CSMD1: variants seen among roughly 807,000 people sequenced by gnomAD.
CSMD1 encodes CUB and sushi domain-containing protein 1.
In CSMD1, 213 loss-of-function variants were observed where a neutral mutation model predicts 417.5. That is an observed-to-expected ratio of 0.51 (90% CI 0.46 to 0.57). The LOEUF (loss-of-function observed/expected upper bound fraction) is 0.57. Ranked by LOEUF, CSMD1 falls within the 20% of genes least tolerant of loss-of-function variation. The pLI is 0.00. For synonymous variants in CSMD1, 2,862 were observed against 1,736.8 expected (o/e 1.65, Z -16.11); for missense variants, 6,923 against 4,529.7 (o/e 1.53, Z -15.17).
At chr8:4,208,234 T>G (rs944631318) in intron 3 of CSMD1, among the ~76,000 whole-genome samples, 2 of 152,148 alleles carry the variant, frequency 1.3e-5, no homozygotes, top group Non-Finnish European at 2.9e-5. Context: ...GAAAGGTAAC[T>G]GCTCCTGTTA....
At position 3,319,566 on chromosome 8, in the gene CSMD1, T is replaced by G. The variant is rs557949664; in HGVS notation, c.3632-11063A>C. ...TTATATTGAAATATAATTCTATGCT[T>G]TCAAACACTTCCGCACACATTCAAC... is the stretch of plus-strand genomic sequence containing the variant. On this transcript the variant is annotated intron_variant, in intron 23 of 69. Coordinates refer to ENST00000635120, the MANE Select transcript of CSMD1 (RefSeq NM_033225.6). Among the ~76,000 whole-genome samples, 5 of 152,320 alleles carry G rather than the reference T, an allele frequency of 3.3e-5. No homozygotes were observed. In the South Asian group the frequency reaches 1.0e-3, roughly 32 times the overall value.
At chr8:3,360,503 C>T (rs1284819981) in intron 20 of CSMD1, among the ~76,000 whole-genome samples, 2 of 152,200 alleles carry the variant, frequency 1.3e-5, no homozygotes, top group African/African-American at 4.8e-5. Flanking sequence ...GCTGTTTCCC[C>T]AGTCTGTAAT....
At chr8:4,496,388 G>C (rs1261219380) in intron 2 of CSMD1, among the ~76,000 whole-genome samples, 3 of 152,132 alleles carry the variant, frequency 2.0e-5, no homozygotes, top group Admixed American at 6.6e-5. Context: ...CAGGGGGCTG[G>C]AGAGAGCTGA....
At chr8:4,991,289 T>A (rs1187947457) in intron 1 of CSMD1, among the ~76,000 whole-genome samples, 1 of 152,178 alleles carries the variant, frequency 6.6e-6, no homozygotes, top group Middle Eastern at 3.2e-3. Context: ...AAAGGCACAC[T>A]TGGGATTCAA....
chr8:4,938,371 C>T (rs1032623107), intron 1 of CSMD1, among the ~76,000 whole-genome samples: 1 of 152,236 alleles, frequency 6.6e-6, no homozygotes. Context: ...CCCAATACAG[C>T]TGTCCTATAG....
intron 3 of CSMD1, among the ~76,000 whole-genome samples, chr8:4,272,208 C>T (rs1036496337): frequency 6.6e-6 from 1 of 152,092 alleles, no homozygotes; most frequent in Non-Finnish European, 1.5e-5. Flanking sequence ...AGGTATAGTA[C>T]TTTATGGCTT....
At chr8:4,590,484 A>C (rs1230016421) in intron 2 of CSMD1, among the ~76,000 whole-genome samples, 3 of 152,196 alleles carry the variant, frequency 2.0e-5, no homozygotes, top group African/African-American at 7.2e-5. Context: ...AATGTAAATA[A>C]AATTTATAGC....
intron 3 of CSMD1, among the ~76,000 whole-genome samples, chr8:4,400,330 T>C (rs1355946611): frequency 6.6e-6 from 1 of 152,196 alleles, no homozygotes; most frequent in Non-Finnish European, 1.5e-5. Flanking sequence ...TAGGAAACTG[T>C]TTTGTGTGTG....
In CSMD1 at chr8:4,458,584, T is replaced by C. The variant is rs78335672; in HGVS notation, c.303-38519A>G. 2.8e-3 allele frequency among the ~76,000 whole-genome samples: 431 copies of C among 151,992 alleles called. 3 individuals are homozygous for C. The highest frequency in any genetic ancestry group is 0.01 in the African/African-American group (416 of 41,450). ...CTTTGAAAGACATTGTAACAGTAAA[T>C]ACAAGGAAAAAAAAGAAAAATCATC... On this transcript the variant is annotated intron_variant, in intron 2 of 69. Coordinates refer to ENST00000635120, the MANE Select transcript of CSMD1 (RefSeq NM_033225.6).
chr8:3,468,748 T>G lies in CSMD1; in HGVS notation c.1525A>C (p.Ser509Arg). 6 of 1,607,162 alleles carry G rather than the reference T, an allele frequency of 3.7e-6. No individual in the cohort carries two copies. Among genetic ancestry groups the G allele is most frequent in the South Asian group, 2.2e-5 (2 of 89,278 alleles). Reference protein sequence around the residue: ...QMWLHLQSDDSIGSPGFKAVY... With the variant: ...QMWLHLQSDDRIGSPGFKAVY... ...GCTTTAAACCCAGGTGAGCCAATGC[T>G]ATCATCCGACTGCAGATGTAGCCAC... The change falls in exon 12 of 70, where the codon AGC (serine) becomes CGC (arginine). Residue 509 changes from serine (S) to arginine (R), a missense_variant. Physicochemically the swap from Ser to Arg is moderately radical, Grantham distance 110. Coordinates refer to ENST00000635120, the MANE Select transcript of CSMD1 (RefSeq NM_033225.6).
At chr8:4,020,811 T>C (rs960416273) in intron 4 of CSMD1, among the ~76,000 whole-genome samples, 12 of 152,248 alleles carry the variant, frequency 7.9e-5, no homozygotes, top group South Asian at 4.1e-4. Context: ...GAAAACTTTT[T>C]AGATTAATCA....
chr8:4,202,791 G>C (rs1055903806), intron 3 of CSMD1, among the ~76,000 whole-genome samples: 3 of 152,156 alleles, frequency 2.0e-5, no homozygotes, highest in Admixed American at 1.3e-4. Context: ...TAAAACTGAG[G>C]ATTCAAACGT....
intron 3 of CSMD1, among the ~76,000 whole-genome samples, chr8:4,147,865 G>C (rs1448501261): frequency 2.0e-5 from 3 of 152,056 alleles, no homozygotes; most frequent in Admixed American, 6.6e-5. Context: ...TGGTAGCTGA[G>C]CTTCATGGAA....
At position 3,520,067 on chromosome 8, in the gene CSMD1, C is replaced by T. The variant is rs142828278; in HGVS notation, c.1345-26341G>A. On this transcript the variant is annotated intron_variant, in intron 10 of 69. Coordinates refer to ENST00000635120, the MANE Select transcript of CSMD1 (RefSeq NM_033225.6). ...ACGTATAGTTGTGAAACTTGCTCCA[C>T]AGTAATAATAGTAAAATTCTATCAT... is the stretch of plus-strand genomic sequence containing the variant. 1.1e-3 allele frequency among the ~76,000 whole-genome samples: 157 copies of T among 142,484 alleles called. 2 individuals carry two copies. Among genetic ancestry groups the T allele is most frequent in the Admixed American group, 8.5e-3 (120 of 14,194 alleles). The allele number at this position is 142,484 out of a possible 152,430, so 93.5% of individuals were successfully genotyped here.
At chr8:3,458,933 G>A (rs569042647) in intron 12 of CSMD1, among the ~76,000 whole-genome samples, 2 of 152,334 alleles carry the variant, frequency 1.3e-5, no homozygotes, top group East Asian at 1.9e-4. Context: ...AACATTGGAA[G>A]GAATTTCCAT....
intron 2 of CSMD1, among the ~76,000 whole-genome samples, chr8:4,490,862 G>A (rs1195179434): frequency 6.6e-6 from 1 of 152,188 alleles, no homozygotes; most frequent in African/African-American, 2.4e-5. Flanking sequence ...TAGTGTTACA[G>A]GACGTGATTT....
At chr8:3,598,767 A>T (rs943994109) in intron 8 of CSMD1, among the ~76,000 whole-genome samples, 3 of 152,128 alleles carry the variant, frequency 2.0e-5, no homozygotes, top group Non-Finnish European at 4.4e-5. Context: ...TCTTTTGAGA[A>T]CAGCAGATAC....
intron 4 of CSMD1, among the ~76,000 whole-genome samples, chr8:4,031,266 G>C (rs941523392): frequency 1.3e-5 from 2 of 152,076 alleles, no homozygotes; most frequent in East Asian, 1.9e-4. Flanking sequence ...CCTGAGCCTG[G>C]GCAATTTACA....
chr8:4,547,314 T>C (rs1438886628), intron 2 of CSMD1, among the ~76,000 whole-genome samples: 1 of 152,214 alleles, frequency 6.6e-6, no homozygotes, highest in East Asian at 1.9e-4. Flanking sequence ...TAGGCTTGAA[T>C]TTTCCAATCA....
Sources: allele counts gnomAD v4.1 joint callset (sites outside exome capture counted in the v4.1 genomes callset), GRCh38; gene constraint gnomAD v4.1.1; transcripts MANE v1.5; gene names NCBI Gene and HGNC (gene_info 2026-07-23, HGNC 2026-07-21).